COL25A1: variants seen among roughly 807,000 people sequenced by gnomAD.
COL25A1 encodes the protein collagen alpha-1(XXV) chain.
COL25A1 carries 103 observed loss-of-function variants against 128.4 expected under a neutral mutation model. That is an observed-to-expected ratio of 0.80 (90% confidence interval 0.68 to 0.94). The LOEUF is 0.94. COL25A1 is among the 40% of genes least tolerant of loss of function. COL25A1 has a pLI of 0.00. For synonymous variants in COL25A1, 279 were observed against 277.2 expected (o/e 1.01, Z -0.06); for missense variants, 745 against 840.0 (o/e 0.89, Z 1.40).
In COL25A1 at chr4:109,302,065, C is replaced by G. The variant is rs776607304; in HGVS notation, c.-46G>C. 1 of 1,522,668 alleles carries G rather than the reference C, an allele frequency of 6.6e-7. No individual in the cohort carries two copies. Among genetic ancestry groups the G allele is most frequent in the South Asian group, 1.3e-5 (1 of 78,052 alleles). 94.3% of individuals were successfully genotyped at this position (1,522,668 alleles called of 1,614,324 possible). ...CGGCTTCGCTTCCCACCCTCTACAC[C>G]TCAAATAATCCTAAAAGGAAAGAAA... is the stretch of plus-strand genomic sequence containing the variant. On this transcript the variant is annotated 5_prime_UTR_variant, in exon 2 of 38. Coordinates refer to ENST00000399132, the MANE Select transcript of COL25A1 (RefSeq NM_198721.4).
At chr4:109,127,299 G>C (rs1207450758) in intron 3 of COL25A1, among the ~76,000 whole-genome samples, 1 of 151,940 alleles carries the variant, frequency 6.6e-6, no homozygotes, top group African/African-American at 2.4e-5. Context: ...TCATAATTTG[G>C]TCCATTATTC....
At chr4:108,905,855 G>GA (rs1203593256) in intron 13 of COL25A1, among the ~76,000 whole-genome samples, 4 of 151,338 alleles carry the variant, frequency 2.6e-5, no homozygotes. Context: ...TATGTCGGGG[G>GA]GGGGTGCGGG....
At chr4:108,870,448 A>G (rs1466074376) in intron 19 of COL25A1, among the ~76,000 whole-genome samples, 2 of 79,236 alleles carry the variant, frequency 2.5e-5, no homozygotes, top group Admixed American at 1.1e-4. Flanking sequence ...CTGATCTAAG[A>G]AAAAAAAAAA....
intron 3 of COL25A1, among the ~76,000 whole-genome samples, chr4:109,190,168 C>G (rs1242967938): frequency 6.6e-6 from 1 of 151,928 alleles, no homozygotes; most frequent in Non-Finnish European, 1.5e-5. Context: ...CCAAAGAATG[C>G]AGAGCCAGCC....
At chr4:109,167,304 C>G (rs1773161605) in intron 3 of COL25A1, among the ~76,000 whole-genome samples, 1 of 152,090 alleles carries the variant, frequency 6.6e-6, no homozygotes. Context: ...CAAAGTGAGG[C>G]AAGGGACACA....
rs35683664 is a variant in COL25A1, at chr4:109,071,027, C to T, written c.368-20848G>A. On this transcript the variant is annotated intron_variant, in intron 3 of 37. Transcript: ENST00000399132. ...CAAAAGAATAAAGCTGGAGGCATCA[C>T]GCTACCTGACTTCAAACTATACCAC... Among the ~76,000 whole-genome samples the T allele has an allele frequency of 6.0e-4, 91 of 152,178 alleles. 1 individual carries two copies. The highest frequency in any genetic ancestry group is 2.0e-3 in the African/African-American group (84 of 41,520).
At chr4:108,929,530 A>G (rs181311911) in intron 11 of COL25A1, among the ~76,000 whole-genome samples, 2 of 152,298 alleles carry the variant, frequency 1.3e-5, no homozygotes, top group South Asian at 2.1e-4. Context: ...CAAATAATCT[A>G]TAAGACATAT....
At chr4:109,233,939 C>T (rs952272727) in intron 3 of COL25A1, among the ~76,000 whole-genome samples, 2 of 152,088 alleles carry the variant, frequency 1.3e-5, no homozygotes, top group Non-Finnish European at 1.5e-5. Context: ...TTAACAAGGT[C>T]CACAACTTGA....
chr4:109,091,545 T>C (rs918205767), intron 3 of COL25A1, among the ~76,000 whole-genome samples: 3 of 152,212 alleles, frequency 2.0e-5, no homozygotes, highest in African/African-American at 7.2e-5. Context: ...ATCTAGCCTA[T>C]ACTTTTATAC....
At chr4:109,227,646 C>A (rs897708859) in intron 3 of COL25A1, among the ~76,000 whole-genome samples, 1 of 151,006 alleles carries the variant, frequency 6.6e-6, no homozygotes, top group African/African-American at 2.5e-5. Context: ...GCCTCATACA[C>A]TTATCACAGC....
At chr4:108,968,837 T>C (rs771720778) in intron 8 of COL25A1, among the ~76,000 whole-genome samples, 1 of 152,148 alleles carries the variant, frequency 6.6e-6, no homozygotes. Flanking sequence ...TTCTCACTTA[T>C]CCTCCCAACT....
At chr4:109,286,761 T>C (rs920248182) in intron 3 of COL25A1, among the ~76,000 whole-genome samples, 4 of 151,944 alleles carry the variant, frequency 2.6e-5, no homozygotes, top group African/African-American at 4.8e-5. Context: ...AATGGGAAGG[T>C]TGAAAATCTA....
intron 5 of COL25A1, among the ~76,000 whole-genome samples, chr4:109,023,827 G>C (rs143819229): frequency 6.6e-6 from 1 of 152,252 alleles, no homozygotes; most frequent in Non-Finnish European, 1.5e-5. Context: ...TCTTCCAGAA[G>C]AACACTGTGC....
chr4:108,901,084 G>A (rs755793350), intron 14 of COL25A1, 35 bp downstream of exon 14: 1 of 1,521,122 alleles, frequency 6.6e-7, no homozygotes, highest in Non-Finnish European at 9.1e-7. Flanking sequence ...CAATTCGTGT[G>A]TCAAATGATT....
rs553685013 is a variant in COL25A1 at position 108,905,564 on chromosome 4, T to A, written c.781-4392A>T. Among the ~76,000 whole-genome samples the A allele has an allele frequency of 5.0e-4, 76 of 151,312 alleles. No individual in the cohort carries two copies. The South Asian group carries it at 0.016, about 31-fold the overall frequency. On this transcript the variant is annotated intron_variant, in intron 13 of 37. Coordinates refer to ENST00000399132, the MANE Select transcript of COL25A1 (RefSeq NM_198721.4). ...AATAATAATAATAATATTACTTGTT[T>A]CTTTTTACCTTTTTTCAATGTGGTT...
rs931370233 is a variant in COL25A1 at position 109,145,037 on chromosome 4, G to A, written c.368-94858C>T. ...CAGTGACTCTATGTATGAAATGAAA[G>A]TAAGCAAAATTTTTCAACTAAAACC... On this transcript the variant is annotated intron_variant, in intron 3 of 37. Coordinates refer to ENST00000399132, the MANE Select transcript of COL25A1 (RefSeq NM_198721.4). Among the ~76,000 whole-genome samples the A allele has an allele frequency of 6.0e-5, 9 of 149,652 alleles. No individual in the cohort carries two copies. The South Asian group carries it at 6.3e-4, about 11-fold the overall frequency.
chr4:108,838,315 A>T (rs1235190059), intron 31 of COL25A1: 6 of 620,828 alleles, frequency 9.7e-6, no homozygotes, highest in African/African-American at 1.9e-5. Context: ...GTCTTGCACG[A>T]AACATTAATT....
rs560947692 is a variant in COL25A1 at position 109,262,289 on chromosome 4, G to A, written c.367+38294C>T. On this transcript the variant is annotated intron_variant, in intron 3 of 37. Transcript: ENST00000399132. ...AGCACTTTGGGAGGCCGAGGCGGGT[G>A]GATCATCTGGGGTCAGGAGTTCGAG... is the stretch of plus-strand genomic sequence containing the variant. Among the ~76,000 whole-genome samples, 353 of 152,164 alleles carry A rather than the reference G, an allele frequency of 2.3e-3. 1 individual carries two copies. The highest frequency in any genetic ancestry group is 8.2e-3 in the African/African-American group (340 of 41,532).
chr4:108,980,234 G>C (rs965579631), intron 6 of COL25A1, among the ~76,000 whole-genome samples: 2 of 152,150 alleles, frequency 1.3e-5, no homozygotes, highest in Non-Finnish European at 2.9e-5. Flanking sequence ...ATTTGCCTTG[G>C]TCCAAAAGAG....
Sources: allele counts gnomAD v4.1 joint callset (sites outside exome capture counted in the v4.1 genomes callset), GRCh38; gene constraint gnomAD v4.1.1; transcripts MANE v1.5; gene names NCBI Gene and HGNC (gene_info 2026-07-23, HGNC 2026-07-21).